The following WIPF2 variants were observed in gnomAD, a reference collection of about 807,000 sequenced individuals.
WIPF2 encodes WAS/WASL interacting protein family member 2, also known as WAS/WASL-interacting protein family member 2.
A neutral mutation model predicts 38.8 loss-of-function variants in WIPF2; 23 were observed. That is an observed-to-expected ratio of 0.59 (90% CI 0.43 to 0.84). The LOEUF is 0.84. WIPF2 is among the 40% of genes least tolerant of loss of function. WIPF2 has a pLI of 0.00. For missense variants in WIPF2, 574 were observed against 580.5 expected (o/e 0.99, Z 0.11); for synonymous variants, 210 against 223.2 (o/e 0.94, Z 0.53).
chr17:40,244,673 A>G (rs1397159213), intron 1 of WIPF2, among the ~76,000 whole-genome samples: 1 of 152,048 alleles, frequency 6.6e-6, no homozygotes, highest in African/African-American at 2.4e-5. Context: ...CTACTTTTGG[A>G]TTTGGAGGAT....
chr17:40,246,131 G>T (rs1265819035), intron 1 of WIPF2, among the ~76,000 whole-genome samples: 2 of 149,586 alleles, frequency 1.3e-5, no homozygotes, highest in African/African-American at 4.9e-5. Flanking sequence ...CTGTTGCCCA[G>T]GCTGGAGTGC....
At chr17:40,267,758 TCAAA>T (rs2032136110) in intron 5 of WIPF2, among the ~76,000 whole-genome samples, 1 of 152,190 alleles carries the variant, frequency 6.6e-6, no homozygotes, top group African/African-American at 2.4e-5. Flanking sequence ...CAGGCTGGTC[TCAAA>T]CTCCTGACCT....
intron 1 of WIPF2, among the ~76,000 whole-genome samples, chr17:40,226,742 TTTA>T (rs1029416246): frequency 2.6e-5 from 4 of 152,100 alleles, no homozygotes; most frequent in South Asian, 2.1e-4. Context: ...ATTTTTTAAA[TTTA>T]TTATTATTAT....
chr17:40,229,261 A>G (rs569900656), intron 1 of WIPF2, among the ~76,000 whole-genome samples: 35 of 149,572 alleles, frequency 2.3e-4, no homozygotes, highest in African/African-American at 8.1e-4. Context: ...ACAGGCATGC[A>G]TCACCACGCC....
intron 5 of WIPF2, among the ~76,000 whole-genome samples, chr17:40,270,021 A>G (rs2032202198): frequency 6.6e-6 from 1 of 151,940 alleles, no homozygotes; most frequent in Non-Finnish European, 1.5e-5. Context: ...TCTTTTGGAA[A>G]TTGTTTTTTA....
At chr17:40,256,253 G>A (rs1422117084) in intron 1 of WIPF2, 138 bp from the exon 2 acceptor site, 5 of 627,678 alleles carry the variant, frequency 8.0e-6, no homozygotes, top group Non-Finnish European at 1.3e-5. Context: ...GATTTACCAA[G>A]CCCTGGACTG....
At chr17:40,229,516 A>C (rs575925994) in intron 1 of WIPF2, among the ~76,000 whole-genome samples, 1 of 152,004 alleles carries the variant, frequency 6.6e-6, no homozygotes, top group African/African-American at 2.4e-5. Flanking sequence ...TCTGCCTCCC[A>C]GGTTCAAGCC....
At chr17:40,238,162 G>A (rs887895806) in intron 1 of WIPF2, among the ~76,000 whole-genome samples, 3 of 151,534 alleles carry the variant, frequency 2.0e-5, no homozygotes, top group Non-Finnish European at 4.4e-5. Flanking sequence ...TGTCTCCAAG[G>A]GCTCTTTTTA....
chr17:40,222,587 T>TGTG (rs1027492144), intron 1 of WIPF2, among the ~76,000 whole-genome samples: 5,735 of 146,344 alleles, frequency 0.039, 248 homozygotes, highest in East Asian at 0.24. Flanking sequence ...GTGTGTGTGT[T>TGTG]TGTGTGTGTG....
intron 1 of WIPF2, among the ~76,000 whole-genome samples, chr17:40,220,920 T>C (rs2030206825): frequency 6.6e-6 from 1 of 151,362 alleles, no homozygotes; most frequent in South Asian, 2.1e-4. Flanking sequence ...GGACTATAGG[T>C]GCCCACCACC....
chr17:40,239,132 T>C (rs2031090735), intron 1 of WIPF2, among the ~76,000 whole-genome samples: 1 of 151,068 alleles, frequency 6.6e-6, no homozygotes, highest in Non-Finnish European at 1.5e-5. Context: ...AATGCAGTGG[T>C]GCGATCTCGG....
intron 1 of WIPF2, among the ~76,000 whole-genome samples, chr17:40,224,406 A>ATTTTTTTT (rs67838907): frequency 4.5e-5 from 4 of 89,130 alleles, no homozygotes; most frequent in Non-Finnish European, 9.5e-5. Context: ...GATTTTTTGT[A>ATTTTTTTT]TTTTTTTTTT....
intron 1 of WIPF2, among the ~76,000 whole-genome samples, chr17:40,242,744 A>G (rs1463788494): frequency 6.6e-6 from 1 of 152,198 alleles, no homozygotes; most frequent in East Asian, 1.9e-4. Context: ...ACAAAGCTAC[A>G]TCGAAAGTGT....
chr17:40,264,727 G>T lies in WIPF2; in HGVS notation c.551G>T (p.Arg184Leu). 2 of 1,595,152 alleles carry T rather than the reference G, an allele frequency of 1.3e-6. No individual in the cohort carries two copies. Among genetic ancestry groups the T allele is most frequent in the Non-Finnish European group, 1.7e-6 (2 of 1,172,132 alleles). The change falls in exon 5 of 8, where the codon CGG (arginine) becomes CTG (leucine). Residue 184 changes from arginine (R) to leucine (L), a missense_variant. Coordinates refer to ENST00000323571, the MANE Select transcript of WIPF2 (RefSeq NM_133264.5). ...GCCCCTCCCCCACCACCCCCAGGGC[G>T]GCGTGCCAACGCACCCCCCACACCT... ...SSAPPPPPPG[R>L]RANAPPTPLP...
Position 40,247,207 on chromosome 17 carries a change from G to GTT in WIPF2, c.-69-9157_-69-9156dup, listed in dbSNP as rs775838379. Among the ~76,000 whole-genome samples, 221 of 116,980 alleles carry GTT rather than the reference G, an allele frequency of 1.9e-3. 7 individuals carry two copies. Among genetic ancestry groups the GTT allele is most frequent in the Non-Finnish European group, 2.4e-3 (136 of 55,736 alleles). 76.7% of individuals were successfully genotyped at this position (116,980 alleles called of 152,430 possible). A position where few individuals can be genotyped will look rare whatever the true frequency, so the allele number is the denominator to read the frequency against. ...TCGAAAATTTAATTCTTATTTCAGG[G>GTT]TTTTTTTTTTTTTTTTTTTTTTTTT... On this transcript the variant is annotated intron_variant, in intron 1 of 7. Transcript: ENST00000323571.
chr17:40,220,581 A>ATGTATATG (rs2030146091), intron 1 of WIPF2: 1 of 49,870 alleles, frequency 2.0e-5, no homozygotes, highest in Non-Finnish European at 3.8e-5. Flanking sequence ...GTGTATATAT[A>ATGTATATG]TATATATATA....
At chr17:40,261,053 AAAAG>A (rs2031886871) in intron 3 of WIPF2, among the ~76,000 whole-genome samples, 2 of 151,632 alleles carry the variant, frequency 1.3e-5, no homozygotes, top group African/African-American at 4.8e-5. Context: ...AAAAAAAAAA[AAAAG>A]GCTGCCATCT....
chr17:40,260,715 G>T (rs2031871527), intron 3 of WIPF2, 48 bp downstream of exon 3: 2 of 1,612,530 alleles, frequency 1.2e-6, no homozygotes, highest in African/African-American at 2.7e-5. Context: ...TCCCAGGAGT[G>T]ACTTGGAGAC....
rs1280912373 is a variant in WIPF2 at position 40,282,585 on chromosome 17, T to A, written c.*4360T>A. 2.0e-5 allele frequency: 3 copies of A among 152,254 alleles called. No homozygotes were observed. Among genetic ancestry groups the A allele is most frequent in the Admixed American group, 6.5e-5 (1 of 15,286 alleles). 9.4% of individuals were successfully genotyped at this position (152,254 alleles called of 1,614,324 possible). A position where few individuals can be genotyped will look rare whatever the true frequency, so the allele number is the denominator to read the frequency against. On this transcript the variant is annotated 3_prime_UTR_variant, in exon 8 of 8. Transcript: ENST00000323571. ...CTCCCTCTCCCAAATAGCATTGATT[T>A]TTTCCCCCCTCTAAAATGTATAATC...
Sources: allele counts gnomAD v4.1 joint callset (sites outside exome capture counted in the v4.1 genomes callset), GRCh38; gene constraint gnomAD v4.1.1; transcripts MANE v1.5; gene names NCBI Gene and HGNC (gene_info 2026-07-23, HGNC 2026-07-21).